Variants in RBFOX3 observed in about 807,000 individuals in gnomAD.
The protein encoded by RBFOX3 is RNA binding protein fox-1 homolog 3.
RBFOX3 carries 17 observed loss-of-function variants against 48.7 expected under a neutral mutation model. That is an observed-to-expected ratio of 0.35 (90% CI 0.24 to 0.52). The LOEUF (loss-of-function observed/expected upper bound fraction) is 0.52, where lower values mean the gene tolerates loss of function less well. Among genes scored for constraint, RBFOX3 ranks in the 20% least tolerant of loss-of-function variants. RBFOX3 has a pLI of 0.94. For synonymous variants in RBFOX3, 212 were observed against 209.5 expected (o/e 1.01, Z -0.10); for missense variants, 382 against 497.5 (o/e 0.77, Z 2.21).
intron 3 of RBFOX3, among the ~76,000 whole-genome samples, chr17:79,238,139 G>T (rs2061859294): frequency 6.6e-6 from 1 of 152,168 alleles, no homozygotes. Flanking sequence ...GTTTCACCAT[G>T]TTGGTCAGGC....
chr17:79,132,555 A>C (rs1015686807), intron 4 of RBFOX3, among the ~76,000 whole-genome samples: 8 of 152,182 alleles, frequency 5.3e-5, no homozygotes, highest in African/African-American at 1.9e-4. Flanking sequence ...TGAGATTGGC[A>C]GGAGTGCCAG....
At position 79,127,169 on chromosome 17, in the gene RBFOX3, C is replaced by T. The variant is rs758392143; in HGVS notation, c.-33-11421G>A. ...GCCAGCCTTCCAAATTATCACCCGACGTCACCATCATGCAGGTCCGGGTGC... is the reference window on the plus strand; with the variant it reads ...GCCAGCCTTCCAAATTATCACCCGATGTCACCATCATGCAGGTCCGGGTGC... On this transcript the variant is annotated intron_variant, in intron 4 of 14. Coordinates refer to ENST00000693108, the MANE Select transcript of RBFOX3 (RefSeq NM_001350451.2). 1.1e-4 allele frequency among the ~76,000 whole-genome samples: 16 copies of T among 152,344 alleles called. No homozygotes were observed. The South Asian group carries it at 1.5e-3, about 14-fold the overall frequency.
rs1026799094 is a variant in RBFOX3, at chr17:79,486,025, C to T, written c.-319-3427G>A. Among the ~76,000 whole-genome samples the T allele has an allele frequency of 1.9e-4, 29 of 152,388 alleles. 1 individual carries two copies. The South Asian group carries it at 6.0e-3, about 32-fold the overall frequency. On this transcript the variant is annotated intron_variant, in intron 1 of 14. Coordinates refer to ENST00000693108, the MANE Select transcript of RBFOX3 (RefSeq NM_001350451.2). Reference sequence around the variant, plus strand: ...CCCCTCCGCGTGCGCTCCTGTACCCCACGCCCCACCCCTTGGTGCTGCGGG... The same window carrying T: ...CCCCTCCGCGTGCGCTCCTGTACCCTACGCCCCACCCCTTGGTGCTGCGGG...
chr17:79,293,593 C>T (rs1699340947), intron 3 of RBFOX3, among the ~76,000 whole-genome samples: 2 of 152,120 alleles, frequency 1.3e-5, no homozygotes, highest in Middle Eastern at 3.4e-3. Flanking sequence ...GCTGGGATTA[C>T]AGACTTGCAC....
At chr17:79,291,569 A>C (rs4789998) in intron 3 of RBFOX3, among the ~76,000 whole-genome samples, 1 of 152,044 alleles carries the variant, frequency 6.6e-6, no homozygotes, top group African/African-American at 2.4e-5. Context: ...TGTGTCATGC[A>C]TCCACCCCTT....
chr17:79,279,685 G>A (rs1009893621), intron 3 of RBFOX3, among the ~76,000 whole-genome samples: 4 of 152,364 alleles, frequency 2.6e-5, no homozygotes, highest in African/African-American at 7.2e-5. Context: ...CAGCCAGCAA[G>A]GCACTCCCAC....
At chr17:79,240,977 TA>T (rs893379194) in intron 3 of RBFOX3, among the ~76,000 whole-genome samples, 49 of 135,878 alleles carry the variant, frequency 3.6e-4, no homozygotes, top group Middle Eastern at 7.8e-3. Flanking sequence ...ATTTTTCAAT[TA>T]AAAAAAAATT....
chr17:79,098,449 C>CGG (rs2075810525), intron 9 of RBFOX3: 1 of 152,334 alleles, frequency 6.6e-6, no homozygotes, highest in African/African-American at 2.4e-5. Context: ...CCTCCCTGCC[C>CGG]AGTGAGCCAC....
At chr17:79,320,142 G>A (rs1304492571) in intron 2 of RBFOX3, among the ~76,000 whole-genome samples, 5 of 152,156 alleles carry the variant, frequency 3.3e-5, no homozygotes, top group Non-Finnish European at 4.4e-5. Context: ...TGAGTGGCTG[G>A]TGTCTCCTGA....
intron 3 of RBFOX3, among the ~76,000 whole-genome samples, chr17:79,247,952 C>T (rs896733732): frequency 3.9e-5 from 6 of 152,002 alleles, no homozygotes; most frequent in Admixed American, 3.9e-4. Context: ...CAGTGCCTGG[C>T]CCACAATGGG....
At position 79,243,204 on chromosome 17, in the gene RBFOX3, G is replaced by A. The variant is rs1283147061; in HGVS notation, c.-73-7399C>T. 9.0e-5 allele frequency among the ~76,000 whole-genome samples: 13 copies of A among 144,892 alleles called. No individual in the cohort carries two copies. Among genetic ancestry groups the A allele is most frequent in the Admixed American group, 5.6e-4 (8 of 14,352 alleles). ...GTAGCGGTTGCAGCTGAGTTTGCGC[G>A]AGACCCACCTGACCACAACCTTGTG... On this transcript the variant is annotated intron_variant, in intron 3 of 14. Transcript: ENST00000693108. The surrounding 1 kb of genome is among the most constrained non-coding windows in gnomAD (Gnocchi z 7.9).
chr17:79,190,657 A>G (rs2054337285), intron 4 of RBFOX3, among the ~76,000 whole-genome samples: 1 of 152,142 alleles, frequency 6.6e-6, no homozygotes, highest in Non-Finnish European at 1.5e-5. Context: ...CTGAGTGCCA[A>G]GAAACTCTGC....
chr17:79,124,849 T>C (rs559167384), intron 4 of RBFOX3, among the ~76,000 whole-genome samples: 69 of 151,884 alleles, frequency 4.5e-4, no homozygotes, highest in African/African-American at 1.6e-3. Context: ...GTGTATTTGG[T>C]CCCCTGGTTG....
At chr17:79,189,788 G>A (rs2054103828) in intron 4 of RBFOX3, among the ~76,000 whole-genome samples, 1 of 152,214 alleles carries the variant, frequency 6.6e-6, no homozygotes, top group Non-Finnish European at 1.5e-5. Context: ...CTTGTGCCCA[G>A]ACCATAGATG....
intron 2 of RBFOX3, among the ~76,000 whole-genome samples, chr17:79,321,740 G>A (rs1310233553): frequency 7.3e-6 from 1 of 136,484 alleles, no homozygotes. Context: ...GAGTCTCACT[G>A]TGTCACCCAG....
intron 1 of RBFOX3, among the ~76,000 whole-genome samples, chr17:79,492,312 C>T (rs891581577): frequency 6.6e-6 from 1 of 152,106 alleles, no homozygotes; most frequent in Non-Finnish European, 1.5e-5. Flanking sequence ...CCCCTGGTGT[C>T]ACCTCCCCTG....
upstream of RBFOX3, among the ~76,000 whole-genome samples, chr17:79,613,362 A>G (rs888401310): frequency 1.5e-4 from 23 of 152,246 alleles, no homozygotes; most frequent in Non-Finnish European, 3.1e-4. Flanking sequence ...TACCAGCCCC[A>G]GAGAGTTTGC....
At position 79,418,722 on chromosome 17, in the gene RBFOX3, T is replaced by C. The variant is rs1439741426; in HGVS notation, c.-175+63732A>G. On this transcript the variant is annotated intron_variant, in intron 2 of 14. Coordinates refer to ENST00000693108, the MANE Select transcript of RBFOX3 (RefSeq NM_001350451.2). The surrounding 1 kb of genome is among the most constrained non-coding windows in gnomAD (Gnocchi z 5.0). ...CCCCAAGTCTGGGTGGCAAATCCAC[T>C]CTCCTTAGACTTGCTGCTTGAGAAG... Among the ~76,000 whole-genome samples the C allele has an allele frequency of 1.3e-5, 2 of 151,944 alleles. No homozygotes were observed. Among genetic ancestry groups the C allele is most frequent in the Non-Finnish European group, 2.9e-5 (2 of 67,992 alleles).
chr17:79,116,655 A>G (rs949589281), intron 4 of RBFOX3, among the ~76,000 whole-genome samples: 3 of 152,240 alleles, frequency 2.0e-5, no homozygotes, highest in East Asian at 3.9e-4. Flanking sequence ...AGTGATGGCC[A>G]TGACAGTGAG....
Sources: allele counts gnomAD v4.1 joint callset (sites outside exome capture counted in the v4.1 genomes callset), GRCh38; gene constraint gnomAD v4.1.1; non-coding constraint Gnocchi (gnomAD v3.1); transcripts MANE v1.5; gene names NCBI Gene and HGNC (gene_info 2026-07-23, HGNC 2026-07-21).